Variants in SP6 observed in about 807,000 individuals in gnomAD.
The protein encoded by SP6 is Sp6 transcription factor, also known as transcription factor Sp6.
Under a neutral mutation model 23.4 loss-of-function variants are expected in SP6, and 10 were observed. The ratio of observed to expected loss-of-function variants is 0.43; its 90% CI spans 0.26 to 0.72. The LOEUF (loss-of-function observed/expected upper bound fraction) is 0.72, where lower values mean the gene tolerates loss of function less well. Ranked by LOEUF, SP6 falls within the 30% of genes least tolerant of loss-of-function variation. The probability of loss-of-function intolerance (pLI) is 0.23; values close to 1 mark genes in which losing one functional copy is unlikely to be tolerated. For missense variants in SP6, 482 were observed against 523.8 expected (o/e 0.92, Z 0.78); for synonymous variants, 238 against 238.7 (o/e 1.00, Z 0.03).
the SP6 span, among the ~76,000 whole-genome samples, chr17:47,868,279 G>C: frequency 6.6e-6 from 1 of 152,232 alleles, no homozygotes; most frequent in Non-Finnish European, 1.5e-5. Context: ...CAAATACTAT[G>C]ATAATGAAGT....
chr17:47,870,624 C>G, the SP6 span, among the ~76,000 whole-genome samples: 1 of 152,214 alleles, frequency 6.6e-6, no homozygotes, highest in African/African-American at 2.4e-5. Flanking sequence ...TTACGGGGTC[C>G]TAAGCTTGCT....
At position 47,848,301 on chromosome 17, in the gene SP6, G is replaced by A. The variant is rs758296941; in HGVS notation, c.129C>T (p.Tyr43=). ...GCTCTCCAGGCTGCAGCGGGGAGGG[G>A]TAGTCCCCGGCCTCAGGGCTCGTGT... ...QGHTSPEAGD[Y]PSPLQPGELQ... is the part of the protein sequence containing the mutation. Residue 43 remains tyrosine, a synonymous_variant, in exon 2 of 2, where the codon TAC becomes TAT. Coordinates refer to ENST00000536300, the MANE Select transcript of SP6 (RefSeq NM_001258248.2). This position sits in a 1 kb window ranked among gnomAD's most constrained non-coding sequence, Gnocchi z 5.3. The A allele has an allele frequency of 2.5e-6, 4 of 1,612,172 alleles. No homozygotes were observed. In the Middle Eastern group the frequency reaches 5.0e-4, roughly 203 times the overall value.
Position 47,848,504 on chromosome 17 carries a change from G to T in SP6, c.-57-18C>A. 1 of 1,357,786 alleles carries T rather than the reference G, an allele frequency of 7.4e-7. No individual in the cohort carries two copies. Among genetic ancestry groups the T allele is most frequent in the Non-Finnish European group, 9.8e-7 (1 of 1,017,872 alleles). 84.1% of individuals were successfully genotyped at this position (1,357,786 alleles called of 1,614,324 possible). On this transcript the variant is annotated intron_variant, in intron 1 of 1. Coordinates refer to ENST00000536300, the MANE Select transcript of SP6 (RefSeq NM_001258248.2). The surrounding 1 kb of genome is among the most constrained non-coding windows in gnomAD (Gnocchi z 5.3). The stretch of plus-strand genomic sequence containing the variant: ...GACGGGACCTAAAGGAGGCGAAGAA[G>T]CAGAAAAGTAAGGGAAATAACCAGC...
At chr17:47,851,996 C>T (rs2033961647), upstream of SP6, among the ~76,000 whole-genome samples, 1 of 151,968 alleles carries the variant, frequency 6.6e-6, no homozygotes, top group South Asian at 2.1e-4. Flanking sequence ...TCCTCGCCCT[C>T]CTGTCCTTCG....
the SP6 span, among the ~76,000 whole-genome samples, chr17:47,862,399 T>A: frequency 6.6e-6 from 1 of 150,414 alleles, no homozygotes; most frequent in Non-Finnish European, 1.5e-5. Flanking sequence ...TCCAAGCTAC[T>A]TGGGAGGCTG....
At chr17:47,864,369 A>G in the SP6 span, 1 of 151,834 alleles carries the variant, frequency 6.6e-6, no homozygotes, top group African/African-American at 2.4e-5. Context: ...GGCTCAAGCA[A>G]TCCTCCTGAC....
In SP6 at chr17:47,848,333, G is replaced by GCTC. The variant is rs752218392; in HGVS notation, c.96_97insGAG (p.Tyr32_Gln33insGlu). On this transcript the variant is annotated inframe_insertion, in exon 2 of 2. Transcript: ENST00000536300. The surrounding 1 kb of genome is among the most constrained non-coding windows in gnomAD (Gnocchi z 5.3). ...CCGGCCTCAGGGCTCGTGTGGCCCT[G>GCTC]GTAAGTTTGGAGAGGCTGCAGGTCG... 3.1e-6 allele frequency: 5 copies of GCTC among 1,608,658 alleles called. No individual in the cohort carries two copies. In the East Asian group the frequency reaches 1.1e-4, roughly 36 times the overall value.
At chr17:47,849,062 C>T (rs531622614) in intron 1 of SP6, among the ~76,000 whole-genome samples, 2 of 152,290 alleles carry the variant, frequency 1.3e-5, no homozygotes, top group African/African-American at 4.8e-5. Flanking sequence ...TCACCGTCTA[C>T]GCTGCTCCCC....
At position 47,847,384 on chromosome 17, in the gene SP6, C is replaced by T; in HGVS notation, c.1046G>A (p.Gly349Glu). Residue 349 changes from glycine to glutamate, a missense_variant, in exon 2 of 2, where the codon GGA becomes GAA. Transcript: ENST00000536300. ...AKEEAAGAAS[G>E]EGKAGGAVEP... ...CACTGCGCCGCCGGCCTTGCCCTCT[C>T]CCGAGGCCGCCCCAGCCGCCTCCTC... The T allele has an allele frequency of 6.2e-7, 1 of 1,612,226 alleles. No homozygotes were observed. The highest frequency in any genetic ancestry group is 8.5e-7 in the Non-Finnish European group (1 of 1,179,436).
upstream of SP6, among the ~76,000 whole-genome samples, chr17:47,854,963 C>A (rs1223122941): frequency 6.6e-6 from 1 of 152,210 alleles, no homozygotes; most frequent in Non-Finnish European, 1.5e-5. Context: ...CCTCTCCCCA[C>A]CATACTCTCC....
chr17:47,854,193 A>G (rs1380702199), upstream of SP6, among the ~76,000 whole-genome samples: 1 of 152,144 alleles, frequency 6.6e-6, no homozygotes, highest in Non-Finnish European at 1.5e-5. Context: ...AGCTTCATCT[A>G]TAGTCAGTGA....
chr17:47,866,381 C>CACGG, the SP6 span, among the ~76,000 whole-genome samples: 1 of 152,054 alleles, frequency 6.6e-6, no homozygotes, highest in African/African-American at 2.4e-5. Context: ...AAATCCAAGC[C>CACGG]ACGGACTGCC....
At chr17:47,872,143 CAGGT>C in the SP6 span, among the ~76,000 whole-genome samples, 34,924 of 151,980 alleles carry the variant, frequency 0.23, 4,333 homozygotes, top group Non-Finnish European at 0.27. Context: ...ATCAGGGTCG[CAGGT>C]AGTTCCAACC....
chr17:47,853,024 C>T (rs899535047), upstream of SP6, among the ~76,000 whole-genome samples: 1 of 152,200 alleles, frequency 6.6e-6, no homozygotes, highest in African/African-American at 2.4e-5. Context: ...GATTTAAATT[C>T]TAGCCCCAGC....
chr17:47,866,982 C>G, the SP6 span, among the ~76,000 whole-genome samples: 66 of 152,160 alleles, frequency 4.3e-4, no homozygotes, highest in East Asian at 0.01. Context: ...TCGGACACGC[C>G]ACGCTGGGAA....
chr17:47,860,287 A>G (rs1334009272), upstream of SP6, among the ~76,000 whole-genome samples: 1 of 152,146 alleles, frequency 6.6e-6, no homozygotes, highest in African/African-American at 2.4e-5. Context: ...ATGCTCTCTA[A>G]AGCCTTCTCC....
the SP6 span, among the ~76,000 whole-genome samples, chr17:47,866,985 G>A: frequency 2.0e-5 from 3 of 152,100 alleles, no homozygotes; most frequent in African/African-American, 7.2e-5. Flanking sequence ...GACACGCCAC[G>A]CTGGGAATCT....
chr17:47,856,870 T>C (rs1450141814), upstream of SP6, among the ~76,000 whole-genome samples: 2 of 151,958 alleles, frequency 1.3e-5, no homozygotes, highest in African/African-American at 2.4e-5. Flanking sequence ...CCTCCCAGGA[T>C]GAGCCAGGGA....
chr17:47,847,294 G>GGA lies in SP6; in HGVS notation c.*3_*4dup. The GGA allele has an allele frequency of 2.6e-6, 4 of 1,527,342 alleles. No homozygotes were observed. Among genetic ancestry groups the GGA allele is most frequent in the Non-Finnish European group, 3.5e-6 (4 of 1,134,912 alleles). 94.6% of individuals were successfully genotyped at this position (1,527,342 alleles called of 1,614,324 possible). A position where few individuals can be genotyped will look rare whatever the true frequency, so the allele number is the denominator to read the frequency against. The stretch of plus-strand genomic sequence containing the variant: ...GATACCCGCAGGGAGGCGGCACTGA[G>GGA]GAGCTCAGTTGGAGGGAGCCACGCT... On this transcript the variant is annotated 3_prime_UTR_variant, in exon 2 of 2. Coordinates refer to ENST00000536300, the MANE Select transcript of SP6 (RefSeq NM_001258248.2).
Sources: gnomAD v4.1 joint callset for allele counts (sites outside exome capture counted in the v4.1 genomes callset) on GRCh38, gnomAD v4.1.1 for gene constraint, Gnocchi (gnomAD v3.1) non-coding constraint, MANE v1.5 for transcripts, NCBI Gene and HGNC (gene_info 2026-07-23, HGNC 2026-07-21) for gene names.